Variants in GPC6 observed in about 807,000 individuals in gnomAD.
GPC6 encodes glypican 6.
A neutral mutation model predicts 55.2 loss-of-function variants in GPC6; 14 were observed. The ratio of observed to expected loss-of-function variants is 0.25; its 90% CI spans 0.17 to 0.40. The LOEUF is 0.40. GPC6 is among the 10% of genes least tolerant of loss of function. GPC6 has a pLI of 1.00. For missense variants in GPC6, 641 were observed against 708.5 expected (o/e 0.90, Z 1.08); for synonymous variants, 278 against 259.6 (o/e 1.07, Z -0.68).
intron 2 of GPC6, among the ~76,000 whole-genome samples, chr13:93,582,091 A>T (rs1389230299): frequency 6.6e-6 from 1 of 152,220 alleles, no homozygotes; most frequent in Non-Finnish European, 1.5e-5. Flanking sequence ...TAAAAACTAA[A>T]TTTTTTGAAG....
intron 2 of GPC6, among the ~76,000 whole-genome samples, chr13:93,760,141 T>C (rs1884910983): frequency 6.6e-6 from 1 of 152,014 alleles, no homozygotes; most frequent in East Asian, 1.9e-4. Context: ...AGCTAAGAAA[T>C]AGGTGGTACT....
chr13:93,834,456 A>G (rs1251869144), intron 3 of GPC6, among the ~76,000 whole-genome samples: 1 of 152,224 alleles, frequency 6.6e-6, no homozygotes, highest in Admixed American at 6.5e-5. Context: ...AAGAATGATA[A>G]AAAGAATCAG....
intron 6 of GPC6, among the ~76,000 whole-genome samples, chr13:94,351,492 C>A (rs1878540723): frequency 6.6e-6 from 1 of 152,076 alleles, no homozygotes; most frequent in Admixed American, 6.5e-5. Flanking sequence ...GAGGCCTCCA[C>A]AGAGATGAGA....
intron 3 of GPC6, among the ~76,000 whole-genome samples, chr13:93,844,957 G>A (rs1433631573): frequency 6.6e-6 from 1 of 151,982 alleles, no homozygotes; most frequent in African/African-American, 2.4e-5. Context: ...ATAGTTGTAG[G>A]TATGCGGCGT....
intron 1 of GPC6, among the ~76,000 whole-genome samples, chr13:93,458,442 C>T (rs866100349): frequency 6.6e-6 from 1 of 152,110 alleles, no homozygotes; most frequent in African/African-American, 2.4e-5. Flanking sequence ...CCCTACCCCC[C>T]CATATAAGTT....
At chr13:93,781,917 T>A (rs1186772701) in intron 2 of GPC6, among the ~76,000 whole-genome samples, 1 of 152,180 alleles carries the variant, frequency 6.6e-6, no homozygotes, top group Non-Finnish European at 1.5e-5. Flanking sequence ...TATTAGCATA[T>A]GTATTATCAT....
intron 4 of GPC6, among the ~76,000 whole-genome samples, chr13:94,037,498 T>A (rs1883380581): frequency 6.6e-6 from 1 of 152,040 alleles, no homozygotes; most frequent in African/African-American, 2.4e-5. Flanking sequence ...ATTATATAAA[T>A]AAAAAAATAC....
chr13:93,354,499 C>T lies in GPC6; in HGVS notation c.160+126883C>T, dbSNP rs1248821214. On this transcript the variant is annotated intron_variant, in intron 1 of 8. Transcript: ENST00000377047. ...CCGAGTAGCTGGGACTACAGGTGCC[C>T]GCTACCACACTCGGCTATTATTTTT... 2.0e-5 allele frequency among the ~76,000 whole-genome samples: 3 copies of T among 150,388 alleles called. No individual in the cohort carries two copies. The East Asian group carries it at 5.9e-4, about 30-fold the overall frequency.
chr13:93,494,694 C>G (rs189438007), intron 1 of GPC6, among the ~76,000 whole-genome samples: 1,642 of 152,058 alleles, frequency 0.011, 30 homozygotes, highest in African/African-American at 0.037. Flanking sequence ...GCACTTCCTT[C>G]AGGAGCTCTT....
At chr13:93,658,040 C>A (rs1057141823) in intron 2 of GPC6, among the ~76,000 whole-genome samples, 3 of 151,850 alleles carry the variant, frequency 2.0e-5, no homozygotes, top group Admixed American at 2.0e-4. Flanking sequence ...AAGCAGTAAA[C>A]CTGCACATGT....
intron 2 of GPC6, among the ~76,000 whole-genome samples, chr13:93,746,634 A>G (rs1884409234): frequency 6.6e-6 from 1 of 152,148 alleles, no homozygotes; most frequent in Admixed American, 6.5e-5. Flanking sequence ...TTGGAGGCAA[A>G]ACAACACCAT....
intron 2 of GPC6, chr13:93,818,385 A>C (rs1886935536): frequency 6.6e-6 from 1 of 152,252 alleles, no homozygotes; most frequent in South Asian, 2.1e-4. Flanking sequence ...CAAAATTTTT[A>C]TATATAATTA....
chr13:93,736,112 C>G (rs952998055), intron 2 of GPC6, among the ~76,000 whole-genome samples: 1 of 152,198 alleles, frequency 6.6e-6, no homozygotes, highest in African/African-American at 2.4e-5. Context: ...AGTTTATCAT[C>G]TTTCTTTGCT....
At chr13:94,227,459 C>T (rs1890594312) in intron 4 of GPC6, among the ~76,000 whole-genome samples, 1 of 152,154 alleles carries the variant, frequency 6.6e-6, no homozygotes, top group Non-Finnish European at 1.5e-5. Flanking sequence ...CACACTCTGA[C>T]CACTAGGACA....
intron 8 of GPC6, among the ~76,000 whole-genome samples, chr13:94,399,063 AT>A (rs11287782): frequency 0.014 from 2,139 of 152,308 alleles, 53 homozygotes; most frequent in African/African-American, 0.049. Context: ...TCCCTGTCTT[AT>A]TCTTTATTAA....
chr13:94,206,422 C>T (rs1275468598), intron 4 of GPC6, among the ~76,000 whole-genome samples: 1 of 151,928 alleles, frequency 6.6e-6, no homozygotes, highest in Non-Finnish European at 1.5e-5. Context: ...CAGTAGTGTT[C>T]GTTTAATTTT....
At chr13:93,847,378 C>A (rs1334877125) in intron 3 of GPC6, among the ~76,000 whole-genome samples, 9 of 152,040 alleles carry the variant, frequency 5.9e-5, no homozygotes, top group Admixed American at 4.6e-4. Context: ...TAAAAATAGC[C>A]ATAATACTCA....
chr13:93,272,490 G>GTATATATATATATATATATA (rs71202576), intron 1 of GPC6, among the ~76,000 whole-genome samples: 1 of 95,436 alleles, frequency 1.0e-5, no homozygotes, highest in African/African-American at 4.4e-5. Flanking sequence ...CATTGTCTGT[G>GTATATATATATATATATATA]TGTATATATA....
chr13:93,629,912 G>C (rs1406661643), intron 2 of GPC6, among the ~76,000 whole-genome samples: 1 of 152,084 alleles, frequency 6.6e-6, no homozygotes, highest in Non-Finnish European at 1.5e-5. Flanking sequence ...ATCTTCCACT[G>C]TGACTTTTAG....
Sources: gnomAD v4.1 joint callset for allele counts (sites outside exome capture counted in the v4.1 genomes callset) on GRCh38, gnomAD v4.1.1 for gene constraint, MANE v1.5 for transcripts, NCBI Gene and HGNC (gene_info 2026-07-23, HGNC 2026-07-21) for gene names.